Variants in GNPTAB observed in about 807,000 individuals in gnomAD.
The protein encoded by GNPTAB is N-acetylglucosamine-1-phosphate transferase subunits alpha and beta.
GNPTAB carries 92 observed loss-of-function variants against 136.6 expected under a neutral mutation model. The ratio of observed to expected loss-of-function variants is 0.67; its 90% CI spans 0.57 to 0.80. GNPTAB has a LOEUF of 0.80. Ranked by LOEUF, GNPTAB falls within the 30% of genes least tolerant of loss-of-function variation. The probability of loss-of-function intolerance (pLI) is 0.00; values close to 1 mark genes in which losing one functional copy is unlikely to be tolerated. For synonymous variants in GNPTAB, 512 were observed against 535.1 expected (o/e 0.96, Z 0.60); for missense variants, 1,343 against 1,501.8 (o/e 0.89, Z 1.75).
At chr12:101,762,981 G>A (rs1953024284) in intron 13 of GNPTAB, among the ~76,000 whole-genome samples, 2 of 151,586 alleles carry the variant, frequency 1.3e-5, no homozygotes, top group Admixed American at 1.3e-4. Context: ...AGCACTTTGG[G>A]AGGCCGAGGC....
intron 1 of GNPTAB, among the ~76,000 whole-genome samples, chr12:101,823,654 A>G (rs182082344): frequency 2.1e-3 from 316 of 152,028 alleles, no homozygotes; most frequent in African/African-American, 7.3e-3. Context: ...TTTCTCTCAC[A>G]ATGTGATAAC....
chr12:101,756,762 C>T (rs968193079), intron 18 of GNPTAB, among the ~76,000 whole-genome samples: 1 of 152,098 alleles, frequency 6.6e-6, no homozygotes, highest in Non-Finnish European at 1.5e-5. Flanking sequence ...TTTATTCATC[C>T]CCAAAGGATG....
chr12:101,750,566 T>TTCTC (rs1261730536), intron 19 of GNPTAB, among the ~76,000 whole-genome samples: 1 of 152,206 alleles, frequency 6.6e-6, no homozygotes, highest in Non-Finnish European at 1.5e-5. Context: ...TTAAGCCCAC[T>TTCTC]TCTTTCTTAT....
intron 13 of GNPTAB, among the ~76,000 whole-genome samples, chr12:101,762,496 CACTGAAATGTAAGAT>C (rs1665748116): frequency 6.6e-6 from 1 of 152,092 alleles, no homozygotes; most frequent in Non-Finnish European, 1.5e-5. Context: ...AACTAAAACT[CACTGAAATGTAAGAT>C]ATATGTACAA....
intron 2 of GNPTAB, among the ~76,000 whole-genome samples, chr12:101,794,250 G>A (rs751200226): frequency 5.3e-5 from 8 of 152,106 alleles, no homozygotes; most frequent in East Asian, 1.9e-4. Context: ...ATTGAGCCTC[G>A]GATTGACTTA....
chr12:101,779,376 T>C (rs1188038144), intron 7 of GNPTAB: 2 of 152,252 alleles, frequency 1.3e-5, no homozygotes, highest in African/African-American at 4.8e-5. Flanking sequence ...AGCAGGCATC[T>C]TGACGTAAGG....
intron 5 of GNPTAB, among the ~76,000 whole-genome samples, chr12:101,781,769 G>A (rs1381998338): frequency 6.6e-6 from 1 of 152,152 alleles, no homozygotes; most frequent in Non-Finnish European, 1.5e-5. Context: ...AGGAAGCACT[G>A]GCTGTTAAGA....
chr12:101,764,829 G>T lies in GNPTAB; in HGVS notation c.2088C>A (p.Pro696=). The T allele has an allele frequency of 1.2e-6, 2 of 1,614,088 alleles. No individual in the cohort carries two copies. Among genetic ancestry groups the T allele is most frequent in the African/African-American group, 1.3e-5 (1 of 75,026 alleles). Residue 696 remains proline (P), a synonymous_variant, in exon 13 of 21, where the codon CCC becomes CCA. Transcript: ENST00000299314. ...TTGGAAGGAGTGAAATATTTACCAG[G>T]GGAATTTTCACCTCTTCCTGGGCTC... ...TRRAQEEVKI[P]LVNISLLPKD...
Position 101,768,028 on chromosome 12 carries a change from C to T in GNPTAB, c.1408+9G>A, listed in dbSNP as rs1450013091. Reference sequence around the variant, plus strand: ...AAAATGAACGAATTACAGTTTAACACATCCTTACCAGAGCAATCCCCACCA... The same window carrying T: ...AAAATGAACGAATTACAGTTTAACATATCCTTACCAGAGCAATCCCCACCA... On this transcript the variant is annotated intron_variant, in intron 11 of 20. Coordinates refer to ENST00000299314, the MANE Select transcript of GNPTAB (RefSeq NM_024312.5). The T allele has an allele frequency of 1.2e-6, 2 of 1,613,776 alleles. No homozygotes were observed. The highest frequency in any genetic ancestry group is 2.2e-5 in the South Asian group (2 of 91,076).
chr12:101,814,401 T>C (rs912257195), intron 1 of GNPTAB, among the ~76,000 whole-genome samples: 1 of 152,168 alleles, frequency 6.6e-6, no homozygotes, highest in Non-Finnish European at 1.5e-5. Context: ...AGGAAAAATT[T>C]AGGTGCTCAT....
chr12:101,811,959 A>G (rs900565280), intron 1 of GNPTAB, among the ~76,000 whole-genome samples: 14 of 146,716 alleles, frequency 9.5e-5, no homozygotes, highest in Admixed American at 2.7e-4. Flanking sequence ...CTTTTAAACA[A>G]CCAGATCTCA....
chr12:101,785,221 T>A (rs973535094), intron 5 of GNPTAB, among the ~76,000 whole-genome samples: 1 of 152,206 alleles, frequency 6.6e-6, no homozygotes, highest in Non-Finnish European at 1.5e-5. Flanking sequence ...GAGTCTCTTT[T>A]GCTATTATTT....
At chr12:101,751,867 C>G (rs765993650) in intron 19 of GNPTAB, among the ~76,000 whole-genome samples, 1 of 152,144 alleles carries the variant, frequency 6.6e-6, no homozygotes, top group African/African-American at 2.4e-5. Flanking sequence ...GGTTCATACG[C>G]GGGCTCCCCC....
intron 1 of GNPTAB, among the ~76,000 whole-genome samples, chr12:101,803,606 C>T (rs1197852077): frequency 1.3e-5 from 2 of 151,256 alleles, no homozygotes; most frequent in Non-Finnish European, 3.0e-5. Context: ...TAGACCATGG[C>T]TACCCTCTTT....
chr12:101,822,152 G>A (rs561437964), intron 1 of GNPTAB, among the ~76,000 whole-genome samples: 4 of 152,316 alleles, frequency 2.6e-5, no homozygotes, highest in South Asian at 4.1e-4. Context: ...GGTGGCTCAC[G>A]CCTGTAATCC....
At chr12:101,748,499 T>C (rs1169708773) in intron 20 of GNPTAB, among the ~76,000 whole-genome samples, 1 of 152,222 alleles carries the variant, frequency 6.6e-6, no homozygotes, top group Non-Finnish European at 1.5e-5. Context: ...CTCTTATCCC[T>C]TTCTCTTTAC....
In GNPTAB at chr12:101,753,469, T is replaced by G; in HGVS notation, c.3505A>C (p.Arg1169=). The change falls in exon 19 of 21, where the codon AGG becomes CGG. Residue 1169 remains arginine (R), a synonymous_variant. Coordinates refer to ENST00000299314, the MANE Select transcript of GNPTAB (RefSeq NM_024312.5). ...GGGAACATGGATTCATAGAAGTCCC[T>G]GAGAACAGCCTTCACTGTCTGAGCA... ...KDAQTVKAVL[R]DFYESMFPIP... is the part of the protein sequence containing the mutation. 2 of 1,613,534 alleles carry G rather than the reference T, an allele frequency of 1.2e-6. No individual in the cohort carries two copies. The highest frequency in any genetic ancestry group is 1.7e-6 in the Non-Finnish European group (2 of 1,179,462).
Position 101,824,623 on chromosome 12 carries a change from C to A in GNPTAB, c.117+5936G>T, listed in dbSNP as rs146343792. 6.4e-4 allele frequency among the ~76,000 whole-genome samples: 96 copies of A among 150,626 alleles called. 3 individuals carry two copies. In the South Asian group the frequency reaches 0.02, roughly 31 times the overall value. On this transcript the variant is annotated intron_variant, in intron 1 of 20. Transcript: ENST00000299314. ...CTGGGACTACAGGCATGCACCACCA[C>A]GCCCAGTTAATTTTTGTATTTTTTG... is the stretch of plus-strand genomic sequence containing the variant.
intron 2 of GNPTAB, among the ~76,000 whole-genome samples, chr12:101,791,578 A>T (rs1047184876): frequency 2.0e-5 from 3 of 152,082 alleles, no homozygotes; most frequent in Non-Finnish European, 4.4e-5. Context: ...TACGGCCCAC[A>T]GGTTGGGCAA....
Sources: gnomAD v4.1 joint callset for allele counts (sites outside exome capture counted in the v4.1 genomes callset) on GRCh38, gnomAD v4.1.1 for gene constraint, MANE v1.5 for transcripts, NCBI Gene and HGNC (gene_info 2026-07-23, HGNC 2026-07-21) for gene names.